Variants in MDGA2 observed in about 807,000 individuals in gnomAD.
MDGA2 encodes the protein MAM domain-containing glycosylphosphatidylinositol anchor protein 2.
Under a neutral mutation model 117.8 loss-of-function variants are expected in MDGA2, and 40 were observed. The observed-to-expected ratio is 0.34, with a 90% CI of 0.26 to 0.44. The LOEUF (loss-of-function observed/expected upper bound fraction) is 0.44, where lower values mean the gene tolerates loss of function less well. MDGA2 is among the 20% of genes least tolerant of loss of function. The pLI, the probability that MDGA2 is intolerant of heterozygous loss-of-function variation, is 1.00. For synonymous variants in MDGA2, 452 were observed against 439.0 expected (o/e 1.03, Z -0.37); for missense variants, 1,123 against 1,250.6 (o/e 0.90, Z 1.54).
chr14:46,881,999 T>A (rs1365040359), intron 11 of MDGA2, 45 bp downstream of exon 11: 2 of 1,332,122 alleles, frequency 1.5e-6, no homozygotes, highest in South Asian at 4.0e-5. Flanking sequence ...ATTTTCCATA[T>A]AGTTAAATAT....
chr14:46,999,689 C>T (rs1566567237), intron 8 of MDGA2, among the ~76,000 whole-genome samples: 1 of 151,978 alleles, frequency 6.6e-6, no homozygotes, highest in Non-Finnish European at 1.5e-5. Context: ...CCATATCTTC[C>T]CTCGTCTGAC....
rs570244128 is a variant in MDGA2, at chr14:46,904,005, A to G, written c.2238+16007T>C. 5.9e-5 allele frequency among the ~76,000 whole-genome samples: 9 copies of G among 152,298 alleles called. 1 individual carries two copies. The highest frequency in any genetic ancestry group is 1.9e-4 in the African/African-American group (8 of 41,576). ...AATTGTCAATGTTGAGTCAATTACAATTGCTTTATAAACAAGGGTGTTTTC... is the reference window on the plus strand; with the variant it reads ...AATTGTCAATGTTGAGTCAATTACAGTTGCTTTATAAACAAGGGTGTTTTC... On this transcript the variant is annotated intron_variant, in intron 10 of 16. Coordinates refer to ENST00000399232, the MANE Select transcript of MDGA2 (RefSeq NM_001113498.3).
At chr14:47,438,058 G>A (rs149876994) in intron 1 of MDGA2, among the ~76,000 whole-genome samples, 42 of 152,208 alleles carry the variant, frequency 2.8e-4, no homozygotes, top group African/African-American at 8.9e-4. Context: ...TCATTCTGAA[G>A]TACCTTTAGA....
At chr14:47,314,141 A>C (rs991482481) in intron 1 of MDGA2, among the ~76,000 whole-genome samples, 6 of 152,136 alleles carry the variant, frequency 3.9e-5, no homozygotes, top group African/African-American at 1.4e-4. Flanking sequence ...ACACTGGGCA[A>C]ATGGTTTGAC....
Position 47,599,313 on chromosome 14 carries a change from GTT to G in MDGA2, c.280+75202_280+75203del, listed in dbSNP as rs559603496. 1.0e-2 allele frequency among the ~76,000 whole-genome samples: 1,419 copies of G among 142,154 alleles called. 23 individuals are homozygous for G. Among genetic ancestry groups the G allele is most frequent in the African/African-American group, 0.034 (1,349 of 39,366 alleles). The allele number at this position is 142,154 out of a possible 152,430, so 93.3% of individuals were successfully genotyped here. ...TCAGTTGGAAACTAAGACAAATGCT[GTT>G]TTTTTTTTTGCATTTTATTCAAATG... On this transcript the variant is annotated intron_variant, in intron 1 of 16. Coordinates refer to ENST00000399232, the MANE Select transcript of MDGA2 (RefSeq NM_001113498.3).
In MDGA2 at chr14:47,464,100, TACACACACACACACACAC is replaced by T. The variant is rs71449610; in HGVS notation, c.281-162568_281-162551del. Among the ~76,000 whole-genome samples the T allele has an allele frequency of 7.1e-5, 10 of 141,594 alleles. No homozygotes were observed. The South Asian group carries it at 9.6e-4, about 14-fold the overall frequency. 92.9% of individuals were successfully genotyped at this position (141,594 alleles called of 152,430 possible). ...TAAAATTCATTTCTCACTTACTATG[TACACACACACACACACAC>T]ACACACACACACACACACACACACA... On this transcript the variant is annotated intron_variant, in intron 1 of 16. Transcript: ENST00000399232.
chr14:47,049,993 A>G (rs569596586), intron 7 of MDGA2, among the ~76,000 whole-genome samples: 53 of 152,078 alleles, frequency 3.5e-4, no homozygotes, highest in Non-Finnish European at 6.9e-4. Flanking sequence ...CCAGGCTCCA[A>G]TTCCTTAGTC....
chr14:47,080,022 T>C (rs1004301476), intron 6 of MDGA2, among the ~76,000 whole-genome samples: 2 of 152,108 alleles, frequency 1.3e-5, no homozygotes, highest in Admixed American at 6.5e-5. Context: ...TGAGCCACCG[T>C]GCCCGGCCTT....
At chr14:47,134,235 G>A (rs1156999819) in intron 4 of MDGA2, among the ~76,000 whole-genome samples, 7 of 152,022 alleles carry the variant, frequency 4.6e-5, no homozygotes, top group Admixed American at 6.6e-5. Flanking sequence ...TTCTGGGCAC[G>A]TGACACAGGG....
chr14:47,071,581 C>A (rs1890284048), intron 6 of MDGA2, among the ~76,000 whole-genome samples: 1 of 150,632 alleles, frequency 6.6e-6, no homozygotes, highest in African/African-American at 2.4e-5. Flanking sequence ...TGAGAAAATT[C>A]TATCAAACAA....
intron 8 of MDGA2, among the ~76,000 whole-genome samples, chr14:47,033,283 T>G (rs951701047): frequency 6.6e-6 from 1 of 152,120 alleles, no homozygotes; most frequent in African/African-American, 2.4e-5. Flanking sequence ...TCTTGAAACT[T>G]TAATTTGAAG....
chr14:47,560,927 C>G (rs1040803770), intron 1 of MDGA2, among the ~76,000 whole-genome samples: 1 of 151,984 alleles, frequency 6.6e-6, no homozygotes, highest in African/African-American at 2.4e-5. Flanking sequence ...GCCAATTATC[C>G]CAGCATCATT....
At chr14:47,380,391 A>G (rs1891587928) in intron 1 of MDGA2, among the ~76,000 whole-genome samples, 1 of 152,202 alleles carries the variant, frequency 6.6e-6, no homozygotes, top group Non-Finnish European at 1.5e-5. Context: ...TGACAGAGAT[A>G]GAGACACAAA....
chr14:47,054,901 T>A (rs1226841946), intron 7 of MDGA2, among the ~76,000 whole-genome samples: 2 of 151,880 alleles, frequency 1.3e-5, no homozygotes, highest in Non-Finnish European at 2.9e-5. Context: ...ATAAAAACCC[T>A]AGAAGAAAAA....
intron 1 of MDGA2, among the ~76,000 whole-genome samples, chr14:47,672,877 C>A (rs1458224254): frequency 6.6e-6 from 1 of 152,130 alleles, no homozygotes; most frequent in African/African-American, 2.4e-5. Flanking sequence ...TTAATTCCTA[C>A]TCTTTTCAGG....
At chr14:47,499,153 C>T (rs1053966333) in intron 1 of MDGA2, among the ~76,000 whole-genome samples, 5 of 152,078 alleles carry the variant, frequency 3.3e-5, no homozygotes, top group African/African-American at 7.2e-5. Context: ...CTAATTATTT[C>T]AGCTGGAACT....
intron 5 of MDGA2, among the ~76,000 whole-genome samples, chr14:47,120,597 G>C (rs1881598672): frequency 6.6e-6 from 1 of 152,180 alleles, no homozygotes; most frequent in South Asian, 2.1e-4. Context: ...GCTCTTAGAA[G>C]AGACTTTGCA....
chr14:47,157,645 T>C (rs924902346), intron 3 of MDGA2, among the ~76,000 whole-genome samples: 17 of 146,838 alleles, frequency 1.2e-4, no homozygotes, highest in Admixed American at 6.7e-5. Context: ...GTGTATCTGA[T>C]ATGGTTTGGT....
At chr14:47,574,504 T>C (rs558593319) in intron 1 of MDGA2, among the ~76,000 whole-genome samples, 1 of 152,324 alleles carries the variant, frequency 6.6e-6, no homozygotes, top group East Asian at 1.9e-4. Context: ...AATATTCTTT[T>C]TGCTTTCATA....
Sources: allele counts gnomAD v4.1 joint callset (sites outside exome capture counted in the v4.1 genomes callset), GRCh38; gene constraint gnomAD v4.1.1; transcripts MANE v1.5; gene names NCBI Gene and HGNC (gene_info 2026-07-23, HGNC 2026-07-21).